The following ROBO2 variants were observed in gnomAD, a reference collection of about 807,000 sequenced individuals.
ROBO2 encodes the protein roundabout guidance receptor 2.
ROBO2 carries 53 observed loss-of-function variants against 160.8 expected under a neutral mutation model. The ratio of observed to expected loss-of-function variants is 0.33; its 90% CI spans 0.26 to 0.41. The LOEUF is 0.41. Among genes scored for constraint, ROBO2 ranks in the 10% least tolerant of loss-of-function variants. The pLI is 1.00. For missense variants in ROBO2, 1,577 were observed against 1,722.4 expected (o/e 0.92, Z 1.49); for synonymous variants, 664 against 611.7 (o/e 1.09, Z -1.26).
chr3:76,821,728 A>G (rs1420364815), intron 2 of ROBO2, among the ~76,000 whole-genome samples: 1 of 152,042 alleles, frequency 6.6e-6, no homozygotes, highest in African/African-American at 2.4e-5. Context: ...TTCCAGAATT[A>G]TCATAAAATA....
At chr3:77,185,641 C>T (rs2081210932) in intron 2 of ROBO2, among the ~76,000 whole-genome samples, 1 of 151,776 alleles carries the variant, frequency 6.6e-6, no homozygotes, top group East Asian at 1.9e-4. Flanking sequence ...ACCATTTGAT[C>T]CGGTGATCTC....
At chr3:76,811,838 T>TTTCCTTCCTTCCTTCTTTCC (rs1560606165) in intron 2 of ROBO2, among the ~76,000 whole-genome samples, 6 of 33,442 alleles carry the variant, frequency 1.8e-4, no homozygotes, top group Non-Finnish European at 3.3e-4. Context: ...TCCTTCCTTC[T>TTTCCTTCCTTCCTTCTTTCC]TTCCTTCCTT....
chr3:76,669,024 G>C (rs67360455), intron 2 of ROBO2, among the ~76,000 whole-genome samples: 43,075 of 151,866 alleles, frequency 0.28, 6,595 homozygotes, highest in East Asian at 0.52. Context: ...GCGAGAGAGG[G>C]GCATGCTTCT....
At chr3:77,272,046 G>T (rs1452731200) in intron 2 of ROBO2, among the ~76,000 whole-genome samples, 1 of 152,118 alleles carries the variant, frequency 6.6e-6, no homozygotes, top group African/African-American at 2.4e-5. Context: ...AGCACAGGTG[G>T]CTATAATTTT....
At chr3:77,646,138 G>A in exon 26 of ROBO2, 1 of 1,006,698 alleles carries the variant, frequency 9.9e-7, no homozygotes, top group Non-Finnish European at 1.5e-6. Flanking sequence ...ACAGTGCAAT[G>A]AACAATTTAT....
At chr3:76,937,876 A>T (rs2077819481) in intron 2 of ROBO2, among the ~76,000 whole-genome samples, 1 of 152,074 alleles carries the variant, frequency 6.6e-6, no homozygotes, top group African/African-American at 2.4e-5. Context: ...CGTACCCTCT[A>T]CCTACCCATA....
chr3:77,476,746 A>G (rs533279070), intron 2 of ROBO2, among the ~76,000 whole-genome samples: 1 of 152,238 alleles, frequency 6.6e-6, no homozygotes, highest in South Asian at 2.1e-4. Flanking sequence ...CCTTAATGAA[A>G]GGAGGGAAAT....
At chr3:76,094,715 AAACTATGT>A (rs1278824841) in intron 2 of ROBO2, among the ~76,000 whole-genome samples, 1 of 152,236 alleles carries the variant, frequency 6.6e-6, no homozygotes, top group Non-Finnish European at 1.5e-5. Flanking sequence ...TCAAATAACA[AAACTATGT>A]AAATATTGTT....
chr3:77,412,987 C>A (rs1018820547), intron 2 of ROBO2, among the ~76,000 whole-genome samples: 1 of 152,102 alleles, frequency 6.6e-6, no homozygotes, highest in Non-Finnish European at 1.5e-5. Flanking sequence ...GAGCCTGAGG[C>A]AGGAGGGTAG....
rs544448877 is a variant in ROBO2, at chr3:76,648,875, T to G, written c.110-449139T>G. ...TTTATAAAATTCAAATGTTATGAAA[T>G]TTAAAATTTTTTATTTGTAAAATTA... is the stretch of plus-strand genomic sequence containing the variant. On this transcript the variant is annotated intron_variant, in intron 2 of 26. Transcript: ENST00000487694. 2.6e-5 allele frequency among the ~76,000 whole-genome samples: 4 copies of G among 152,228 alleles called. No individual in the cohort carries two copies. In the South Asian group the frequency reaches 8.3e-4, roughly 32 times the overall value.
intron 2 of ROBO2, among the ~76,000 whole-genome samples, chr3:76,244,597 A>T (rs551908506): frequency 6.6e-6 from 1 of 152,302 alleles, no homozygotes; most frequent in East Asian, 1.9e-4. Flanking sequence ...TTCTTTCACA[A>T]CTTTTCTTGA....
chr3:77,511,560 C>T (rs1312064479), intron 5 of ROBO2, among the ~76,000 whole-genome samples: 4 of 151,928 alleles, frequency 2.6e-5, no homozygotes, highest in Non-Finnish European at 4.4e-5. Context: ...AGTTTTTTAG[C>T]TGGAAAATGC....
intron 2 of ROBO2, among the ~76,000 whole-genome samples, chr3:76,436,405 T>C (rs1328052140): frequency 2.6e-5 from 4 of 152,186 alleles, no homozygotes; most frequent in African/African-American, 9.6e-5. Flanking sequence ...CTCATCAGCT[T>C]ATGGCTTCTG....
intron 2 of ROBO2, among the ~76,000 whole-genome samples, chr3:76,609,603 T>G (rs899990814): frequency 1.3e-5 from 2 of 152,218 alleles, no homozygotes; most frequent in Non-Finnish European, 2.9e-5. Context: ...GTTTATTAGC[T>G]TGGATAGGTT....
intron 2 of ROBO2, among the ~76,000 whole-genome samples, chr3:76,437,747 AAAG>A (rs1311115589): frequency 1.3e-5 from 2 of 152,136 alleles, no homozygotes; most frequent in South Asian, 2.1e-4. Flanking sequence ...AATAATGAAA[AAAG>A]AAGACAAAGA....
At chr3:77,633,483 A>G (rs2095209460) in intron 23 of ROBO2, 1 of 152,194 alleles carries the variant, frequency 6.6e-6, no homozygotes, top group African/African-American at 2.4e-5. Context: ...TACATATAAG[A>G]ATATTCTAAT....
At chr3:76,120,905 T>C (rs1024739600) in intron 2 of ROBO2, among the ~76,000 whole-genome samples, 3 of 152,168 alleles carry the variant, frequency 2.0e-5, no homozygotes, top group African/African-American at 7.2e-5. Context: ...TATAAATACT[T>C]ACTGTCGAAT....
chr3:76,369,173 C>T (rs35305889), intron 2 of ROBO2, among the ~76,000 whole-genome samples: 36,416 of 151,822 alleles, frequency 0.24, 7,387 homozygotes, highest in African/African-American at 0.55. Flanking sequence ...TTTTCAGCAA[C>T]GGCTTTGTAA....
At chr3:75,958,724 T>C (rs1276934425) in intron 2 of ROBO2, among the ~76,000 whole-genome samples, 1 of 151,706 alleles carries the variant, frequency 6.6e-6, no homozygotes, top group African/African-American at 2.4e-5. Context: ...AGAAAGGCAA[T>C]GATATATGTT....
Sources: gnomAD v4.1 joint callset for allele counts (sites outside exome capture counted in the v4.1 genomes callset) on GRCh38, gnomAD v4.1.1 for gene constraint, MANE v1.5 for transcripts, NCBI Gene and HGNC (gene_info 2026-07-23, HGNC 2026-07-21) for gene names.